ADAMTSL1: variants seen among roughly 807,000 people sequenced by gnomAD.
The protein encoded by ADAMTSL1 is ADAMTS-like protein 1.
Under a neutral mutation model 201.8 loss-of-function variants are expected in ADAMTSL1, and 126 were observed. The ratio of observed to expected loss-of-function variants is 0.62; its 90% confidence interval spans 0.54 to 0.72. The LOEUF (loss-of-function observed/expected upper bound fraction) is 0.72. ADAMTSL1 is among the 30% of genes least tolerant of loss of function. ADAMTSL1 has a pLI of 0.00. For synonymous variants in ADAMTSL1, 1,121 were observed against 903.4 expected (o/e 1.24, Z -4.32); for missense variants, 2,679 against 2,277.8 (o/e 1.18, Z -3.59).
intron 2 of ADAMTSL1, among the ~76,000 whole-genome samples, chr9:18,419,957 T>C (rs1382688506): frequency 6.6e-6 from 1 of 152,132 alleles, no homozygotes; most frequent in Non-Finnish European, 1.5e-5. Flanking sequence ...CTTGAACTCC[T>C]GACCTGGTGA....
At chr9:18,177,355 T>C (rs901338308) in intron 2 of ADAMTSL1, among the ~76,000 whole-genome samples, 2 of 152,226 alleles carry the variant, frequency 1.3e-5, no homozygotes, top group African/African-American at 2.4e-5. Flanking sequence ...TTTATGTACC[T>C]TAACTTCCTG....
intron 2 of ADAMTSL1, among the ~76,000 whole-genome samples, chr9:18,173,812 G>A (rs1394091681): frequency 1.3e-5 from 2 of 152,030 alleles, no homozygotes; most frequent in Non-Finnish European, 2.9e-5. Flanking sequence ...TCTTTTGGGG[G>A]GCATTTTCAC....
chr9:17,988,764 C>A (rs1047312301), intron 1 of ADAMTSL1, among the ~76,000 whole-genome samples: 16 of 151,820 alleles, frequency 1.1e-4, no homozygotes, highest in African/African-American at 3.6e-4. Flanking sequence ...CAGAGGAAGA[C>A]AATATACATA....
At chr9:18,059,661 A>G (rs1822361844) in intron 1 of ADAMTSL1, among the ~76,000 whole-genome samples, 1 of 152,210 alleles carries the variant, frequency 6.6e-6, no homozygotes, top group South Asian at 2.1e-4. Context: ...AAGCCAGTAC[A>G]AAGTCTACTC....
intron 1 of ADAMTSL1, among the ~76,000 whole-genome samples, chr9:18,081,028 C>G (rs1823478066): frequency 6.6e-6 from 1 of 152,184 alleles, no homozygotes; most frequent in Non-Finnish European, 1.5e-5. Context: ...AAAAACATTT[C>G]TAGTTGTACC....
intron 2 of ADAMTSL1, among the ~76,000 whole-genome samples, chr9:18,226,842 G>A (rs1452028442): frequency 2.0e-5 from 3 of 151,972 alleles, no homozygotes; most frequent in African/African-American, 4.8e-5. Flanking sequence ...ATTAATAATA[G>A]TAATGAATAA....
chr9:18,403,993 G>A (rs1818085427), intron 2 of ADAMTSL1, among the ~76,000 whole-genome samples: 1 of 152,000 alleles, frequency 6.6e-6, no homozygotes, highest in Non-Finnish European at 1.5e-5. Flanking sequence ...CCCCGTGGAA[G>A]GATCAATAGA....
chr9:18,656,228 G>A (rs866391907), intron 7 of ADAMTSL1, among the ~76,000 whole-genome samples: 2 of 151,386 alleles, frequency 1.3e-5, no homozygotes, highest in Non-Finnish European at 2.9e-5. Flanking sequence ...CCCTGCATCC[G>A]AGATGTTTAA....
At chr9:18,875,286 C>T (rs1563878661) in intron 23 of ADAMTSL1, among the ~76,000 whole-genome samples, 1 of 151,810 alleles carries the variant, frequency 6.6e-6, no homozygotes, top group East Asian at 1.9e-4. Context: ...TTCCTTTCTT[C>T]TGCTGGGTTT....
At chr9:18,047,583 G>A (rs1457437669) in intron 1 of ADAMTSL1, among the ~76,000 whole-genome samples, 2 of 152,112 alleles carry the variant, frequency 1.3e-5, no homozygotes, top group African/African-American at 2.4e-5. Flanking sequence ...CCTCTAAAGA[G>A]GGGGCATTTG....
At chr9:18,491,460 C>T (rs972589867) in intron 1 of ADAMTSL1, among the ~76,000 whole-genome samples, 5 of 152,164 alleles carry the variant, frequency 3.3e-5, no homozygotes, top group Admixed American at 2.0e-4. Flanking sequence ...AATGCTTACA[C>T]GTTGAAAGCA....
intron 2 of ADAMTSL1, among the ~76,000 whole-genome samples, chr9:18,318,468 C>G (rs1395826370): frequency 6.6e-6 from 1 of 152,210 alleles, no homozygotes; most frequent in Non-Finnish European, 1.5e-5. Context: ...TACGTTTCAG[C>G]AAGCCTTTCA....
intron 19 of ADAMTSL1, among the ~76,000 whole-genome samples, chr9:18,789,494 A>G (rs1043728686): frequency 2.0e-4 from 31 of 152,274 alleles, no homozygotes; most frequent in African/African-American, 7.5e-4. Context: ...GGATATGATC[A>G]TTTTCAGCCC....
chr9:18,637,392 A>C (rs1827170846), intron 6 of ADAMTSL1, among the ~76,000 whole-genome samples: 1 of 152,188 alleles, frequency 6.6e-6, no homozygotes, highest in Admixed American at 6.6e-5. Flanking sequence ...CTGAAATAAA[A>C]TATTCAGGCC....
chr9:18,200,412 G>A (rs1381706101), intron 2 of ADAMTSL1, among the ~76,000 whole-genome samples: 7 of 151,886 alleles, frequency 4.6e-5, no homozygotes, highest in African/African-American at 1.7e-4. Flanking sequence ...AATACCAAAG[G>A]GATTATTATG....
intron 1 of ADAMTSL1, among the ~76,000 whole-genome samples, chr9:17,934,479 G>A (rs565680851): frequency 8.5e-5 from 13 of 152,106 alleles, no homozygotes; most frequent in African/African-American, 2.7e-4. Flanking sequence ...AAGCCTTAAC[G>A]CAGTTTAATT....
chr9:18,545,933 T>C (rs1820440185), intron 3 of ADAMTSL1, among the ~76,000 whole-genome samples: 1 of 152,176 alleles, frequency 6.6e-6, no homozygotes, highest in Non-Finnish European at 1.5e-5. Flanking sequence ...TCAAATCTTC[T>C]CATTAACACC....
intron 22 of ADAMTSL1, 79 bp downstream of exon 22, chr9:18,826,542 C>T: frequency 6.7e-7 from 1 of 1,488,262 alleles, no homozygotes; most frequent in Admixed American, 2.1e-5. Flanking sequence ...CTCCTTTGTG[C>T]CCTAATCCAA....
chr9:18,310,667 G>A (rs540357273), intron 2 of ADAMTSL1, among the ~76,000 whole-genome samples: 29 of 152,112 alleles, frequency 1.9e-4, no homozygotes, highest in Admixed American at 1.8e-3. Context: ...ACCATCTCAC[G>A]CCAGTTAGAA....
Sources: allele counts gnomAD v4.1 joint callset (sites outside exome capture counted in the v4.1 genomes callset), GRCh38; gene constraint gnomAD v4.1.1; transcripts MANE v1.5; gene names NCBI Gene and HGNC (gene_info 2026-07-23, HGNC 2026-07-21).